Variants in NEK1 observed in about 807,000 individuals in gnomAD.
NEK1 encodes the protein NIMA related kinase 1.
NEK1 carries 137 observed loss-of-function variants against 182.1 expected under a neutral mutation model. The ratio of observed to expected loss-of-function variants is 0.75; its 90% CI spans 0.65 to 0.87. The LOEUF (loss-of-function observed/expected upper bound fraction) is 0.87, where lower values mean the gene tolerates loss of function less well. Among genes scored for constraint, NEK1 ranks in the 40% least tolerant of loss-of-function variants. The probability of loss-of-function intolerance (pLI) is 0.00; values close to 1 mark genes in which losing one functional copy is unlikely to be tolerated. For synonymous variants in NEK1, 513 were observed against 492.2 expected (o/e 1.04, Z -0.56); for missense variants, 1,391 against 1,494.4 (o/e 0.93, Z 1.14).
chr4:169,561,353 G>T, intron 16 of NEK1, 127 bp downstream of exon 16: 3 of 771,210 alleles, frequency 3.9e-6, no homozygotes, highest in Admixed American at 2.3e-5. Flanking sequence ...AAATGTTAAA[G>T]AATTCTAGGT....
At chr4:169,514,239 C>T (rs1754716545) in intron 19 of NEK1, among the ~76,000 whole-genome samples, 2 of 152,080 alleles carry the variant, frequency 1.3e-5, no homozygotes, top group African/African-American at 4.8e-5. Flanking sequence ...CCACCTGCCT[C>T]GGCCTCCCAA....
chr4:169,569,080 C>T (rs72692954), intron 12 of NEK1, among the ~76,000 whole-genome samples: 1 of 151,986 alleles, frequency 6.6e-6, no homozygotes. Context: ...AAAGTTATAG[C>T]AAGTTTATTA....
At chr4:169,559,743 C>G (rs1025062983) in intron 16 of NEK1, among the ~76,000 whole-genome samples, 7 of 152,180 alleles carry the variant, frequency 4.6e-5, no homozygotes, top group Non-Finnish European at 7.3e-5. Flanking sequence ...GGCACGGTGA[C>G]TCACGCCTGT....
intron 2 of NEK1, among the ~76,000 whole-genome samples, chr4:169,609,745 C>G (rs1771998349): frequency 6.6e-6 from 1 of 152,090 alleles, no homozygotes; most frequent in Non-Finnish European, 1.5e-5. Flanking sequence ...TTTGTACTTT[C>G]TGAATTTTGA....
intron 23 of NEK1, among the ~76,000 whole-genome samples, chr4:169,486,014 C>T (rs1211904609): frequency 1.3e-5 from 2 of 152,010 alleles, no homozygotes; most frequent in Non-Finnish European, 2.9e-5. Flanking sequence ...CCACGGCACT[C>T]CAGCCTGAGT....
chr4:169,462,239 A>G (rs187662192), intron 27 of NEK1, among the ~76,000 whole-genome samples: 63 of 152,180 alleles, frequency 4.1e-4, no homozygotes, highest in Admixed American at 3.9e-3. Flanking sequence ...TTAGAGCCTG[A>G]AGGCATTTTT....
intron 33 of NEK1, 98 bp from the exon 34 acceptor site, chr4:169,400,749 AAAT>A (rs1269835452): frequency 1.2e-6 from 1 of 802,770 alleles, no homozygotes; most frequent in Non-Finnish European, 1.8e-6. Context: ...AATGCCATTG[AAAT>A]AGACTACTTC....
rs111946261 is a variant in NEK1 at position 169,535,811 on chromosome 4, C to T, written c.1665+1998G>A. On this transcript the variant is annotated intron_variant, in intron 19 of 35. Transcript: ENST00000507142. ...AGGAGAATCACTTGAACCCGGGAGG[C>T]GGAGGTTGCAGTGAGCCGAGACTGC... 8.1e-3 allele frequency among the ~76,000 whole-genome samples: 1,186 copies of T among 146,418 alleles called. 20 individuals are homozygous for T. The highest frequency in any genetic ancestry group is 0.028 in the African/African-American group (1,104 of 39,388).
At chr4:169,592,067 T>C (rs1292139511) in intron 5 of NEK1, among the ~76,000 whole-genome samples, 1 of 152,134 alleles carries the variant, frequency 6.6e-6, no homozygotes, top group African/African-American at 2.4e-5. Flanking sequence ...TACTATATTA[T>C]CTTGCTTAAA....
chr4:169,588,619 A>G, intron 8 of NEK1, 30 bp downstream of exon 8: 1 of 1,345,046 alleles, frequency 7.4e-7, no homozygotes, highest in Non-Finnish European at 1.0e-6. Context: ...GAAAGCAAAT[A>G]CATCACATAA....
intron 4 of NEK1, among the ~76,000 whole-genome samples, chr4:169,600,184 T>C (rs1382465055): frequency 6.6e-6 from 1 of 152,152 alleles, no homozygotes; most frequent in Non-Finnish European, 1.5e-5. Flanking sequence ...CTGACTGTGC[T>C]ATGGCCTTAT....
intron 19 of NEK1, among the ~76,000 whole-genome samples, chr4:169,514,640 T>C (rs1280493413): frequency 6.9e-4 from 105 of 152,352 alleles, no homozygotes; most frequent in Non-Finnish European, 1.8e-4. Context: ...TTCTAAGTTG[T>C]TGAATTTATG....
At chr4:169,526,045 G>A (rs1756846846) in intron 19 of NEK1, among the ~76,000 whole-genome samples, 1 of 152,138 alleles carries the variant, frequency 6.6e-6, no homozygotes. Flanking sequence ...AAGGTTCAGA[G>A]CAAACCCACC....
Position 169,424,663 on chromosome 4 carries a change from C to G in NEK1, c.3112G>C (p.Glu1038Gln), listed in dbSNP as rs1412246816. The part of the protein sequence containing the change: ...PQVQSVQCSP[E>Q]ESFAFRSHSH... ...TGAGATCGAAATGCAAAGGATTCTT[C>G]TGGTGAACACTGAACTGATTGAACT... is the stretch of plus-strand genomic sequence containing the variant. The change falls in exon 31 of 36, where the codon GAA becomes CAA. Residue 1038 changes from glutamate (E) to glutamine (Q), a missense_variant. Physicochemically the swap from Glu to Gln is conservative, Grantham distance 29. This residue lies in a region of NEK1 where 1,216 missense variants were observed against 1,277.6 expected (regional missense o/e 0.95). Coordinates refer to ENST00000507142, the MANE Select transcript of NEK1 (RefSeq NM_001199397.3). 6.2e-7 allele frequency: 1 copy of G among 1,613,746 alleles called. No individual in the cohort carries two copies. The highest frequency in any genetic ancestry group is 2.2e-5 in the East Asian group (1 of 44,860).
chr4:169,545,503 A>G (rs886407961), intron 18 of NEK1, among the ~76,000 whole-genome samples: 2 of 150,108 alleles, frequency 1.3e-5, no homozygotes, highest in Non-Finnish European at 3.0e-5. Context: ...TAATGCCGCA[A>G]TAAACATATG....
chr4:169,556,061 G>A lies in NEK1; in HGVS notation c.1301C>T (p.Pro434Leu), dbSNP rs1461610990. 6.2e-7 allele frequency: 1 copy of A among 1,613,372 alleles called. No homozygotes were observed. The highest frequency in any genetic ancestry group is 2.2e-5 in the East Asian group (1 of 44,868). The change falls in exon 17 of 36, where the codon CCA becomes CTA. Residue 434 changes from proline (P) to leucine (L), a missense_variant. Pro to Leu is a moderately conservative substitution (Grantham distance 98, BLOSUM62 -3). This residue lies in a region of NEK1 where 1,216 missense variants were observed against 1,277.6 expected (regional missense o/e 0.95). Coordinates refer to ENST00000507142, the MANE Select transcript of NEK1 (RefSeq NM_001199397.3). ...CTGTCCTCGAGAAGAAAAAGATGAT[G>A]GAGCTATAGTCCCTCCACTGCCCAG... is the stretch of plus-strand genomic sequence containing the variant. Reference protein sequence around the residue: ...PFLGSGGTIAPSSFSSRGQYE... With the variant: ...PFLGSGGTIALSSFSSRGQYE...
chr4:169,484,191 G>A (rs1195398115), intron 23 of NEK1, among the ~76,000 whole-genome samples: 1 of 152,110 alleles, frequency 6.6e-6, no homozygotes, highest in African/African-American at 2.4e-5. Context: ...TAGGATTACA[G>A]TTATGTGCCA....
chr4:169,426,507 T>C (rs1324409748), intron 29 of NEK1, among the ~76,000 whole-genome samples: 3 of 152,210 alleles, frequency 2.0e-5, no homozygotes, highest in Non-Finnish European at 4.4e-5. Context: ...AACAACGGCA[T>C]AGTAAAGAAA....
chr4:169,484,126 A>G (rs1293121337), intron 23 of NEK1, among the ~76,000 whole-genome samples: 1 of 152,222 alleles, frequency 6.6e-6, no homozygotes, highest in East Asian at 1.9e-4. Context: ...TATACTTTGA[A>G]TGAACACATT....
Sources: allele counts gnomAD v4.1 joint callset (sites outside exome capture counted in the v4.1 genomes callset), GRCh38; gene constraint gnomAD v4.1.1; regional missense constraint gnomAD v4.1.1; transcripts MANE v1.5; gene names NCBI Gene and HGNC (gene_info 2026-07-23, HGNC 2026-07-21).